The following ADAMTS17 variants were observed in gnomAD, a reference collection of about 807,000 sequenced individuals.
The protein encoded by ADAMTS17 is A disintegrin and metalloproteinase with thrombospondin motifs 17.
A neutral mutation model predicts 141.5 loss-of-function variants in ADAMTS17; 113 were observed. That is an observed-to-expected ratio of 0.80 (90% confidence interval 0.69 to 0.93). ADAMTS17 has a LOEUF of 0.93. ADAMTS17 is among the 40% of genes least tolerant of loss of function. ADAMTS17 has a pLI of 0.00. For synonymous variants in ADAMTS17, 768 were observed against 630.6 expected (o/e 1.22, Z -3.27); for missense variants, 1,659 against 1,517.9 (o/e 1.09, Z -1.54).
At chr15:100,037,068 T>C (rs79348062) in intron 18 of ADAMTS17, among the ~76,000 whole-genome samples, 7,007 of 152,276 alleles carry the variant, frequency 0.046, 332 homozygotes, top group African/African-American at 0.12. Context: ...CTTGGGTATA[T>C]ACATAGTACT....
At position 100,292,225 on chromosome 15, in the gene ADAMTS17, A is replaced by G. The variant is rs201419623; in HGVS notation, c.617-10824T>C. On this transcript the variant is annotated intron_variant, in intron 3 of 21. Transcript: ENST00000268070. ...ACGAGACACGCTCACCCCGTGGGGAATCACGAGAGACGCTCACCCCGTGAG... is the reference window on the plus strand; with the variant it reads ...ACGAGACACGCTCACCCCGTGGGGAGTCACGAGAGACGCTCACCCCGTGAG... 1.6e-3 allele frequency among the ~76,000 whole-genome samples: 234 copies of G among 147,636 alleles called. 3 individuals are homozygous for G. Among genetic ancestry groups the G allele is most frequent in the East Asian group, 2.7e-3 (13 of 4,898 alleles).
intron 12 of ADAMTS17, among the ~76,000 whole-genome samples, chr15:100,127,147 G>A (rs989216397): frequency 1.3e-5 from 2 of 152,186 alleles, no homozygotes; most frequent in Non-Finnish European, 1.5e-5. Context: ...GCAGGGGGCT[G>A]AACGGTGGGT....
chr15:100,059,501 C>G (rs967947424), intron 15 of ADAMTS17, among the ~76,000 whole-genome samples: 13 of 152,220 alleles, frequency 8.5e-5, no homozygotes, highest in Non-Finnish European at 1.8e-4. Flanking sequence ...TAGCAAGATT[C>G]CAAATTTGCA....
chr15:100,286,067 C>G (rs1314801496), intron 3 of ADAMTS17, among the ~76,000 whole-genome samples: 9 of 152,186 alleles, frequency 5.9e-5, no homozygotes, highest in Non-Finnish European at 1.0e-4. Context: ...CAGATGGCAG[C>G]TAACCACTGG....
intron 3 of ADAMTS17, among the ~76,000 whole-genome samples, chr15:100,325,306 T>C (rs999134628): frequency 9.2e-5 from 14 of 152,180 alleles, no homozygotes; most frequent in African/African-American, 3.1e-4. Flanking sequence ...CCCAGGACCT[T>C]AGAATGTGGT....
chr15:100,204,719 G>A (rs2041464877), intron 7 of ADAMTS17, among the ~76,000 whole-genome samples: 1 of 152,232 alleles, frequency 6.6e-6, no homozygotes, highest in Non-Finnish European at 1.5e-5. Flanking sequence ...TGACCTTGGT[G>A]TAGACAAAGC....
intron 15 of ADAMTS17, among the ~76,000 whole-genome samples, chr15:100,060,669 G>A (rs2033048351): frequency 1.3e-5 from 2 of 152,212 alleles, no homozygotes; most frequent in South Asian, 4.1e-4. Context: ...TTCTAAACCT[G>A]GCAGCAAGTC....
intron 12 of ADAMTS17, among the ~76,000 whole-genome samples, chr15:100,121,866 T>C (rs2037469683): frequency 6.6e-6 from 1 of 152,154 alleles, no homozygotes; most frequent in Non-Finnish European, 1.5e-5. Context: ...AGTGGGTAGC[T>C]TCCAAGCACA....
At chr15:100,065,042 G>A (rs1478498654) in intron 15 of ADAMTS17, among the ~76,000 whole-genome samples, 1 of 152,112 alleles carries the variant, frequency 6.6e-6, no homozygotes, top group Non-Finnish European at 1.5e-5. Flanking sequence ...TACCTATTTT[G>A]AGGGGTTTAT....
intron 3 of ADAMTS17, among the ~76,000 whole-genome samples, chr15:100,303,103 A>ATT (rs2045099403): frequency 6.8e-6 from 1 of 147,152 alleles, no homozygotes; most frequent in South Asian, 2.1e-4. Flanking sequence ...TTATATATAT[A>ATT]AAATATATAA....
chr15:100,182,451 G>C (rs544546621), intron 8 of ADAMTS17, among the ~76,000 whole-genome samples: 74 of 152,300 alleles, frequency 4.9e-4, no homozygotes, highest in Admixed American at 1.0e-3. Flanking sequence ...GCAGCATTGA[G>C]TTAAATGCAA....
chr15:100,273,222 T>G lies in ADAMTS17; in HGVS notation c.789+8007A>C, dbSNP rs557719279. ...GGAATGCCAGTCTCACAGAATGAGT[T>G]AGGAAGTGTTCTCTCCTCTTCAGCT... On this transcript the variant is annotated intron_variant, in intron 4 of 21. Transcript: ENST00000268070. Among the ~76,000 whole-genome samples the G allele has an allele frequency of 2.6e-5, 4 of 152,286 alleles. No homozygotes were observed. The South Asian group carries it at 6.2e-4, about 24-fold the overall frequency.
intron 18 of ADAMTS17, among the ~76,000 whole-genome samples, chr15:100,021,016 G>C (rs2061397639): frequency 6.6e-6 from 1 of 152,134 alleles, no homozygotes; most frequent in Non-Finnish European, 1.5e-5. Flanking sequence ...AAGCTAGCTT[G>C]GCTCTTTCCT....
At chr15:100,291,551 T>C (rs1419526079) in intron 3 of ADAMTS17, among the ~76,000 whole-genome samples, 1 of 152,154 alleles carries the variant, frequency 6.6e-6, no homozygotes. Flanking sequence ...TGTATGTTCA[T>C]CACAGCACGA....
intron 3 of ADAMTS17, 73 bp from the exon 4 acceptor site, chr15:100,281,474 C>A: frequency 6.5e-7 from 1 of 1,541,972 alleles, no homozygotes. Context: ...AACAGGCCTT[C>A]TGTCAAGCCT....
intron 10 of ADAMTS17, among the ~76,000 whole-genome samples, chr15:100,151,947 C>G (rs116750707): frequency 2.6e-5 from 4 of 152,206 alleles, no homozygotes. Context: ...CCTCGCTCTA[C>G]TACCTACTAA....
At chr15:100,230,873 C>T (rs2042459920) in intron 7 of ADAMTS17, among the ~76,000 whole-genome samples, 1 of 152,040 alleles carries the variant, frequency 6.6e-6, no homozygotes, top group African/African-American at 2.4e-5. Flanking sequence ...TGCCTGGGGA[C>T]CCAATTAGGA....
intron 4 of ADAMTS17, among the ~76,000 whole-genome samples, chr15:100,279,445 C>T (rs2044210577): frequency 6.6e-6 from 1 of 152,236 alleles, no homozygotes; most frequent in Non-Finnish European, 1.5e-5. Flanking sequence ...CATCTCCCTA[C>T]CCCACAACCC....
rs753588765 is a variant in ADAMTS17 at position 99,976,148 on chromosome 15, G to T, written c.3024C>A (p.Gly1008=). The T allele has an allele frequency of 6.4e-7, 1 of 1,550,732 alleles. No homozygotes were observed. The highest frequency in any genetic ancestry group is 1.4e-5 in the African/African-American group (1 of 73,070). Residue 1008 remains glycine (G), a synonymous_variant, in exon 21 of 22, where the codon GGC becomes GGA. Coordinates refer to ENST00000268070, the MANE Select transcript of ADAMTS17 (RefSeq NM_139057.4). Reference sequence around the variant, plus strand: ...GCTTCGAGAGGGCGGGGCACTCGCTGCCGTGGCGCCCTGTGACCTTGTGCA... The same window carrying T: ...GCTTCGAGAGGGCGGGGCACTCGCTTCCGTGGCGCCCTGTGACCTTGTGCA... ...QCMHKVTGRH[G]SECPALSKPA...
Sources: allele counts gnomAD v4.1 joint callset (sites outside exome capture counted in the v4.1 genomes callset), GRCh38; gene constraint gnomAD v4.1.1; transcripts MANE v1.5; gene names NCBI Gene and HGNC (gene_info 2026-07-23, HGNC 2026-07-21).